Variants in COG8 observed in about 807,000 individuals in gnomAD.
The protein encoded by COG8 is component of oligomeric golgi complex 8.
Under a neutral mutation model 46.5 loss-of-function variants are expected in COG8, and 45 were observed. The ratio of observed to expected loss-of-function variants is 0.97; its 90% CI spans 0.76 to 1.24. The LOEUF (loss-of-function observed/expected upper bound fraction) is 1.24. Ranked by LOEUF, COG8 falls within the 50% of genes most tolerant of loss-of-function variation. COG8 has a pLI of 0.00. For synonymous variants in COG8, 407 were observed against 347.8 expected, an observed-to-expected ratio of 1.17 and a Z score of -1.90; for missense variants, 793 against 820.8, an observed-to-expected ratio of 0.97 and a Z score of 0.41.
chr16:69,336,470 C>G (rs767008492), intron 2 of COG8, 35 bp downstream of exon 2: 13 of 1,589,646 alleles, frequency 8.2e-6, no homozygotes, highest in Non-Finnish European at 1.1e-5. Context: ...ATTACAAGAA[C>G]ATTACTTTGA....
At chr16:69,330,589 G>A (rs983419812) in intron 5 of COG8, 24 of 1,430,340 alleles carry the variant, frequency 1.7e-5, no homozygotes, top group Admixed American at 6.3e-5. Context: ...CCTTAACAGT[G>A]ACCCGGCCCG....
intron 5 of COG8, chr16:69,329,936 C>G: frequency 1.4e-6 from 2 of 1,457,432 alleles, no homozygotes; most frequent in Non-Finnish European, 1.8e-6. Flanking sequence ...TGCGCTCTCG[C>G]GGAGTCGGGC....
At chr16:69,339,001 TAA>T in intron 1 of COG8, 173 bp downstream of exon 1, 1 of 888,294 alleles carries the variant, frequency 1.1e-6, no homozygotes, top group Non-Finnish European at 1.7e-6. Flanking sequence ...TCAAAAAAGA[TAA>T]AAAAGGAATA....
At chr16:69,336,793 A>G in intron 1 of COG8, 81 bp from the exon 2 acceptor site, 1 of 1,202,566 alleles carries the variant, frequency 8.3e-7, no homozygotes, top group East Asian at 2.4e-5. Flanking sequence ...CCTGCTATGA[A>G]CATTGGGCTG....
chr16:69,332,798 T>C lies in COG8; in HGVS notation c.1498A>G (p.Thr500Ala). Reference protein sequence around the residue: ...GEQELFVQFCTVFLEDLVPYL... With the variant: ...GEQELFVQFCAVFLEDLVPYL... ...GGAACAAGGTCTTCCAGGAAGACAG[T>C]GCAGAACTGGACAAAGAGCTCTTGC... Residue 500 changes from threonine to alanine, a missense_variant, in exon 4 of 6, where the codon ACT becomes GCT. Coordinates refer to ENST00000306875, the MANE Select transcript of COG8 (RefSeq NM_032382.5). 1.2e-6 allele frequency: 2 copies of C among 1,614,190 alleles called. No individual in the cohort carries two copies. Among genetic ancestry groups the C allele is most frequent in the East Asian group, 2.2e-5 (1 of 44,892 alleles).
At chr16:69,337,980 C>T (rs1401007821) in intron 1 of COG8, among the ~76,000 whole-genome samples, 1 of 152,136 alleles carries the variant, frequency 6.6e-6, no homozygotes, top group East Asian at 1.9e-4. Context: ...GATCCGCCTG[C>T]CTTGGCCTCT....
intron 4 of COG8, among the ~76,000 whole-genome samples, chr16:69,331,795 C>G (rs921205930): frequency 4.6e-5 from 7 of 152,120 alleles, no homozygotes; most frequent in Non-Finnish European, 1.0e-4. Context: ...GCCACTGCGC[C>G]CAGCCATCAA....
chr16:69,330,904 C>T lies in COG8; in HGVS notation c.1774G>A (p.Gly592Ser), dbSNP rs2011773322. Residue 592 changes from glycine to serine, a missense_variant, in exon 5 of 6, where the codon GGC becomes AGC. Physicochemically the swap from Gly to Ser is moderately conservative, Grantham distance 56 (BLOSUM62 0). Transcript: ENST00000306875. Reference protein sequence around the residue: ...PAEEPRLEPAGPACPEGGRAE... With the variant: ...PAEEPRLEPASPACPEGGRAE... ...CGCCCTCCCTCCGGGCAGGCTGGGC[C>T]CGCGGGCTCCAGGCGTGGCTCCTCG... is the stretch of plus-strand genomic sequence containing the variant. 1.3e-6 allele frequency: 2 copies of T among 1,552,820 alleles called. No homozygotes were observed. The highest frequency in any genetic ancestry group is 1.7e-6 in the Non-Finnish European group (2 of 1,148,238).
intron 4 of COG8, among the ~76,000 whole-genome samples, chr16:69,332,154 C>T (rs1004353043): frequency 2.6e-4 from 39 of 152,260 alleles, no homozygotes; most frequent in African/African-American, 8.9e-4. Context: ...AGATAGAGAC[C>T]ATCCTGGCCA....
Position 69,335,356 on chromosome 16 carries a change from T to C in COG8, c.586-8A>G. The C allele has an allele frequency of 6.3e-7, 1 of 1,583,192 alleles. No individual in the cohort carries two copies. Among genetic ancestry groups the C allele is most frequent in the African/African-American group, 1.3e-5 (1 of 74,488 alleles). The stretch of plus-strand genomic sequence containing the variant: ...CACTTCGTTCACGATGCCCTGACAA[T>C]ACACAGAGAGAGTCACACTGCGCTG... On this transcript the variant is annotated splice_region_variant and splice_polypyrimidine_tract_variant and intron_variant, in intron 2 of 5. Coordinates refer to ENST00000306875, the MANE Select transcript of COG8 (RefSeq NM_032382.5).
intron 2 of COG8, among the ~76,000 whole-genome samples, chr16:69,336,290 C>T (rs2012201795): frequency 1.3e-5 from 2 of 152,182 alleles, no homozygotes; most frequent in Non-Finnish European, 2.9e-5. Flanking sequence ...GAGCCAGGAC[C>T]ACTTTATTCA....
chr16:69,336,843 GGTAA>G lies in COG8; in HGVS notation c.378-135_378-132del, dbSNP rs1438434774. On this transcript the variant is annotated intron_variant, in intron 1 of 5. Coordinates refer to ENST00000306875, the MANE Select transcript of COG8 (RefSeq NM_032382.5). The stretch of plus-strand genomic sequence containing the variant: ...TTTATTCCTCACACCCCACCTATAA[GGTAA>G]GTATTATTACAATTGAGGAAATTTT... 1.3e-5 allele frequency: 11 copies of G among 823,574 alleles called. No homozygotes were observed. The East Asian group carries it at 1.8e-4, about 14-fold the overall frequency. 51.0% of individuals were successfully genotyped at this position (823,574 alleles called of 1,614,324 possible).
chr16:69,339,544 G>C lies in COG8; in HGVS notation c.9C>G (p.Thr3=), dbSNP rs755657922. Residue 3 remains threonine (T), a synonymous_variant, in exon 1 of 6, where the codon ACC becomes ACG. Transcript: ENST00000306875. ...TGGCTACCGATGGGATAGTCGCCGCGGTCGCCATCTTCCCAGCAACAACGT... is the reference window on the plus strand; with the variant it reads ...TGGCTACCGATGGGATAGTCGCCGCCGTCGCCATCTTCCCAGCAACAACGT... The part of the protein sequence containing the change: MA[T]AATIPSVATA... 4 of 1,608,940 alleles carry C rather than the reference G, an allele frequency of 2.5e-6. No homozygotes were observed. Among genetic ancestry groups the C allele is most frequent in the Non-Finnish European group, 2.5e-6 (3 of 1,179,960 alleles).
rs1597220866 is a variant in COG8 at position 69,330,598 on chromosome 16, C to T, written c.*26+215G>A. ...CGGCCCCCTTAACAGTGACCCGGCC[C>T]GCCCCTTCCGGCCGCAGCGCGGGGC... On this transcript the variant is annotated intron_variant, in intron 5 of 5. Transcript: ENST00000306875. 2.1e-6 allele frequency: 3 copies of T among 1,419,842 alleles called. No individual in the cohort carries two copies. In the South Asian group the frequency reaches 4.6e-5, roughly 22 times the overall value. 88.0% of individuals were successfully genotyped at this position (1,419,842 alleles called of 1,614,324 possible).
rs780481092 is a variant in COG8 at position 69,330,325 on chromosome 16, C to G, written c.*26+488G>C. ...CGGGCCCGCCTAGCTGCGCCCGCTCCACCGGGGCCGCCACGCCGCGCAGCA... is the reference window on the plus strand; with the variant it reads ...CGGGCCCGCCTAGCTGCGCCCGCTCGACCGGGGCCGCCACGCCGCGCAGCA... On this transcript the variant is annotated intron_variant, in intron 5 of 5. Coordinates refer to ENST00000306875, the MANE Select transcript of COG8 (RefSeq NM_032382.5). 5.5e-6 allele frequency: 8 copies of G among 1,449,246 alleles called. No homozygotes were observed. The Admixed American group carries it at 2.2e-4, about 39-fold the overall frequency. The allele number at this position is 1,449,246 out of a possible 1,614,324, so 89.8% of individuals were successfully genotyped here. A position where few individuals can be genotyped will look rare whatever the true frequency, so the allele number is the denominator to read the frequency against.
chr16:69,339,199 C>T lies in COG8; in HGVS notation c.354G>A (p.Leu118=), dbSNP rs376229451. 43 of 1,612,832 alleles carry T rather than the reference C, an allele frequency of 2.7e-5. No individual in the cohort carries two copies. The Middle Eastern group carries it at 9.9e-4, about 37-fold the overall frequency. Reference sequence around the variant, plus strand: ...ACCTGCAGCTCTGCTGGAAGCTGGGCAAACGGTCGAGCAGGCGGCCGAGCG... The same window carrying T: ...ACCTGCAGCTCTGCTGGAAGCTGGGTAAACGGTCGAGCAGGCGGCCGAGCG... The part of the protein sequence containing the change: ...EASLGRLLDR[L]PSFQQSCRNF... Residue 118 remains leucine, a synonymous_variant, in exon 1 of 6, where the codon TTG becomes TTA. Coordinates refer to ENST00000306875, the MANE Select transcript of COG8 (RefSeq NM_032382.5).
intron 2 of COG8, 147 bp from the exon 3 acceptor site, chr16:69,335,495 C>A: frequency 1.3e-6 from 1 of 761,448 alleles, no homozygotes; most frequent in Non-Finnish European, 2.3e-6. Flanking sequence ...GTAGGTTCAC[C>A]AACAAAGATC....
At chr16:69,337,861 G>A (rs2012292046) in intron 1 of COG8, among the ~76,000 whole-genome samples, 1 of 151,610 alleles carries the variant, frequency 6.6e-6, no homozygotes, top group Non-Finnish European at 1.5e-5. Context: ...TCAGCCTCCC[G>A]AGTAGCTGGG....
chr16:69,333,108 T>C (rs935775571), intron 3 of COG8, among the ~76,000 whole-genome samples: 3 of 152,130 alleles, frequency 2.0e-5, no homozygotes, highest in Non-Finnish European at 2.9e-5. Context: ...ATTACGGGTA[T>C]AGTTTCCGGT....
Sources: gnomAD v4.1 joint callset for allele counts (sites outside exome capture counted in the v4.1 genomes callset) on GRCh38, gnomAD v4.1.1 for gene constraint, MANE v1.5 for transcripts, NCBI Gene and HGNC (gene_info 2026-07-23, HGNC 2026-07-21) for gene names.